Variants in RAD51B observed in about 807,000 individuals in gnomAD.
The protein encoded by RAD51B is DNA repair protein RAD51 homolog 2.
Under a neutral mutation model 42.2 loss-of-function variants are expected in RAD51B, and 38 were observed. The observed-to-expected ratio is 0.90, with a 90% CI of 0.70 to 1.18. The LOEUF is 1.18. Ranked by LOEUF, RAD51B falls within the 50% of genes most tolerant of loss-of-function variation. RAD51B has a pLI of 0.00. For missense variants in RAD51B, 373 were observed against 400.7 expected (o/e 0.93, Z 0.59); for synonymous variants, 154 against 145.2 (o/e 1.06, Z -0.43).
intron 4 of RAD51B, among the ~76,000 whole-genome samples, chr14:67,848,253 A>C (rs1291498545): frequency 6.6e-6 from 1 of 152,170 alleles, no homozygotes; most frequent in East Asian, 1.9e-4. Flanking sequence ...TCCTGACCTC[A>C]TGATCTCCCT....
At chr14:67,971,607 A>G (rs1351799131) in intron 7 of RAD51B, among the ~76,000 whole-genome samples, 1 of 152,122 alleles carries the variant, frequency 6.6e-6, no homozygotes. Flanking sequence ...AATGAACTAT[A>G]AAAGATAGAA....
intron 10 of RAD51B, among the ~76,000 whole-genome samples, chr14:68,570,277 G>C (rs1889627987): frequency 6.6e-6 from 1 of 152,172 alleles, no homozygotes. Context: ...GCACTGGCAG[G>C]ACCTGGGTCA....
At chr14:68,604,044 G>C (rs757450292) in intron 10 of RAD51B, among the ~76,000 whole-genome samples, 2 of 152,244 alleles carry the variant, frequency 1.3e-5, no homozygotes, top group African/African-American at 2.4e-5. Flanking sequence ...TTCTTAGCCC[G>C]CCAGGATTGC....
At chr14:67,949,510 C>G (rs552053639) in intron 7 of RAD51B, among the ~76,000 whole-genome samples, 1 of 152,312 alleles carries the variant, frequency 6.6e-6, no homozygotes, top group South Asian at 2.1e-4. Flanking sequence ...TGTATCACAT[C>G]TACAGTTATT....
At chr14:68,395,744 A>G (rs1434030442) in intron 8 of RAD51B, among the ~76,000 whole-genome samples, 1 of 152,204 alleles carries the variant, frequency 6.6e-6, no homozygotes, top group African/African-American at 2.4e-5. Flanking sequence ...TTCTAGATGA[A>G]GCAATCATCC....
intron 7 of RAD51B, among the ~76,000 whole-genome samples, chr14:68,249,449 A>G (rs1211363668): frequency 1.3e-5 from 2 of 152,280 alleles, no homozygotes; most frequent in Non-Finnish European, 2.9e-5. Context: ...GTTGTATTTT[A>G]ATTACAAAAG....
intron 7 of RAD51B, among the ~76,000 whole-genome samples, chr14:68,011,857 T>C (rs2075689453): frequency 6.6e-6 from 1 of 152,120 alleles, no homozygotes; most frequent in African/African-American, 2.4e-5. Context: ...GAAGTTAGTC[T>C]GGCTGTTTCT....
intron 7 of RAD51B, among the ~76,000 whole-genome samples, chr14:67,894,920 A>G (rs2043360793): frequency 6.6e-6 from 1 of 152,126 alleles, no homozygotes; most frequent in Non-Finnish European, 1.5e-5. Flanking sequence ...GACTAGAGGC[A>G]TGTACCACCA....
At chr14:68,129,546 G>A (rs1024803241) in intron 7 of RAD51B, among the ~76,000 whole-genome samples, 11 of 152,144 alleles carry the variant, frequency 7.2e-5, no homozygotes, top group Non-Finnish European at 1.3e-4. Context: ...AAATCGATAA[G>A]CACAGGGTCA....
chr14:68,537,763 A>G (rs1217597284), intron 10 of RAD51B, among the ~76,000 whole-genome samples: 1 of 152,166 alleles, frequency 6.6e-6, no homozygotes, highest in Non-Finnish European at 1.5e-5. Context: ...ATTTGTGTCT[A>G]TGGCAGTTTT....
intron 11 of RAD51B, among the ~76,000 whole-genome samples, chr14:68,670,374 C>T (rs1422724138): frequency 6.6e-6 from 1 of 152,156 alleles, no homozygotes; most frequent in African/African-American, 2.4e-5. Flanking sequence ...CGGCCCACCC[C>T]TCTGCAGTTC....
At chr14:68,112,716 T>C (rs2077478567) in intron 7 of RAD51B, among the ~76,000 whole-genome samples, 2 of 152,088 alleles carry the variant, frequency 1.3e-5, no homozygotes, top group Non-Finnish European at 2.9e-5. Context: ...AGTGGCAGCA[T>C]GCTCACCAGC....
chr14:68,210,444 A>G (rs2079682946), intron 7 of RAD51B, among the ~76,000 whole-genome samples: 2 of 152,292 alleles, frequency 1.3e-5, no homozygotes, highest in Middle Eastern at 6.8e-3. Context: ...GTTCTTGTAC[A>G]TGTGGGTTTG....
intron 10 of RAD51B, among the ~76,000 whole-genome samples, chr14:68,630,881 G>A (rs1037011806): frequency 3.9e-5 from 6 of 152,140 alleles, no homozygotes; most frequent in African/African-American, 9.7e-5. Flanking sequence ...TTTCAACAGC[G>A]TCACCTTTGG....
intron 10 of RAD51B, among the ~76,000 whole-genome samples, chr14:68,515,443 C>CTTTTTT (rs59782915): frequency 1.1e-4 from 6 of 52,744 alleles, no homozygotes; most frequent in Admixed American, 2.0e-4. Flanking sequence ...TCTTCTTCTT[C>CTTTTTT]TTTTTTTTTT....
At chr14:68,505,150 C>T (rs931635253) in intron 10 of RAD51B, among the ~76,000 whole-genome samples, 4 of 152,186 alleles carry the variant, frequency 2.6e-5, no homozygotes, top group South Asian at 2.1e-4. Flanking sequence ...AGGAACCCCA[C>T]GGAGATTCCC....
chr14:68,237,883 C>T (rs1257636387), intron 7 of RAD51B, among the ~76,000 whole-genome samples: 1 of 151,804 alleles, frequency 6.6e-6, no homozygotes, highest in Non-Finnish European at 1.5e-5. Context: ...TACAGGCATG[C>T]ACCACCACGC....
intron 8 of RAD51B, among the ~76,000 whole-genome samples, chr14:68,398,793 TGGA>T (rs934049590): frequency 5.9e-5 from 9 of 152,156 alleles, no homozygotes; most frequent in African/African-American, 2.2e-4. Flanking sequence ...AGATACTAGG[TGGA>T]GATTTTCTAA....
chr14:68,461,196 G>A (rs2085835730), intron 9 of RAD51B, among the ~76,000 whole-genome samples: 1 of 152,048 alleles, frequency 6.6e-6, no homozygotes, highest in East Asian at 1.9e-4. Flanking sequence ...TGGAAGAGGT[G>A]ACATTTGTAT....
Sources: gnomAD v4.1 joint callset for allele counts (sites outside exome capture counted in the v4.1 genomes callset) on GRCh38, gnomAD v4.1.1 for gene constraint, MANE v1.5 for transcripts, NCBI Gene and HGNC (gene_info 2026-07-23, HGNC 2026-07-21) for gene names.